CEP63: variants seen among roughly 807,000 people sequenced by gnomAD.
CEP63 encodes the protein centrosomal protein of 63 kDa.
Under a neutral mutation model 89.1 loss-of-function variants are expected in CEP63, and 84 were observed. The ratio of observed to expected loss-of-function variants is 0.94; its 90% CI spans 0.79 to 1.13. The LOEUF (loss-of-function observed/expected upper bound fraction) is 1.13, where lower values mean the gene tolerates loss of function less well. Among genes scored for constraint, CEP63 ranks in the 50% most tolerant of loss-of-function variants. The pLI is 0.00. For missense variants in CEP63, 838 were observed against 813.3 expected, an observed-to-expected ratio of 1.03 and a Z score of -0.37; for synonymous variants, 267 against 272.5, an observed-to-expected ratio of 0.98 and a Z score of 0.20.
chr3:134,755,777 G>T, the CEP63 span: 1 of 152,270 alleles, frequency 6.6e-6, no homozygotes, highest in African/African-American at 2.4e-5. Flanking sequence ...GTCCTCTTGA[G>T]TGTTTGATGG....
At chr3:134,613,382 G>A in the CEP63 span, among the ~76,000 whole-genome samples, 1 of 152,186 alleles carries the variant, frequency 6.6e-6, no homozygotes, top group African/African-American at 2.4e-5. Context: ...TCAGGGAGCA[G>A]CAGCGAGAGC....
chr3:134,597,238 G>A, the CEP63 span, among the ~76,000 whole-genome samples: 9 of 152,330 alleles, frequency 5.9e-5, no homozygotes, highest in East Asian at 1.7e-3. Flanking sequence ...AAGAGGGAGA[G>A]AAGGAGAAAT....
At chr3:134,766,466 G>A in the CEP63 span, among the ~76,000 whole-genome samples, 2 of 152,250 alleles carry the variant, frequency 1.3e-5, no homozygotes, top group African/African-American at 4.8e-5. Context: ...GCAGCTCATG[G>A]CCAGACCTTT....
the CEP63 span, among the ~76,000 whole-genome samples, chr3:134,696,529 C>A: frequency 6.6e-6 from 1 of 152,130 alleles, no homozygotes; most frequent in African/African-American, 2.4e-5. Context: ...AATAACTTTT[C>A]TTTGTGTGAA....
At chr3:134,639,514 G>A in the CEP63 span, among the ~76,000 whole-genome samples, 2 of 152,182 alleles carry the variant, frequency 1.3e-5, no homozygotes, top group African/African-American at 4.8e-5. Context: ...AGCTCCACAG[G>A]GAGGTCTGAG....
the CEP63 span, among the ~76,000 whole-genome samples, chr3:134,652,411 G>A: frequency 5.3e-5 from 8 of 152,084 alleles, no homozygotes; most frequent in East Asian, 1.2e-3. Flanking sequence ...GTTTGGTTCC[G>A]TGTAAAGGCT....
At chr3:134,773,363 G>A in the CEP63 span, among the ~76,000 whole-genome samples, 1 of 152,178 alleles carries the variant, frequency 6.6e-6, no homozygotes. Flanking sequence ...TTATAGCATG[G>A]CTGAGAAGGA....
chr3:134,528,340 C>A (rs1318770705), intron 3 of CEP63, among the ~76,000 whole-genome samples: 6 of 152,172 alleles, frequency 3.9e-5, no homozygotes, highest in African/African-American at 1.2e-4. Context: ...ATCTTGCCCT[C>A]CCCCTGGTTT....
the CEP63 span, among the ~76,000 whole-genome samples, chr3:134,701,817 T>C: frequency 6.6e-6 from 1 of 152,116 alleles, no homozygotes; most frequent in Non-Finnish European, 1.5e-5. Flanking sequence ...TAATCCTATA[T>C]CTAGAAAACC....
the CEP63 span, among the ~76,000 whole-genome samples, chr3:134,593,405 G>A: frequency 0.98 from 149,656 of 152,292 alleles, 73,566 homozygotes; most frequent in Non-Finnish European, 1. Flanking sequence ...GAGTATCCCT[G>A]TTTTACTGAT....
At chr3:134,508,165 G>C (rs897176606) in intron 3 of CEP63, among the ~76,000 whole-genome samples, 1 of 152,142 alleles carries the variant, frequency 6.6e-6, no homozygotes, top group Admixed American at 6.5e-5. Context: ...AATGTTTCTC[G>C]TAACAAAGAG....
the CEP63 span, among the ~76,000 whole-genome samples, chr3:134,711,502 C>T: frequency 6.6e-6 from 1 of 152,112 alleles, no homozygotes; most frequent in South Asian, 2.1e-4. Flanking sequence ...TGATTTATTC[C>T]ACTTTCTTAG....
chr3:134,600,129 C>T, the CEP63 span, among the ~76,000 whole-genome samples: 8 of 152,298 alleles, frequency 5.3e-5, no homozygotes, highest in South Asian at 2.1e-4. Flanking sequence ...ACACCATCTT[C>T]GAAAATTTTG....
chr3:134,707,121 T>A, the CEP63 span, among the ~76,000 whole-genome samples: 1 of 152,212 alleles, frequency 6.6e-6, no homozygotes, highest in Non-Finnish European at 1.5e-5. Context: ...AATTCCACCA[T>A]TCATTCAACA....
At chr3:134,666,964 C>G in the CEP63 span, among the ~76,000 whole-genome samples, 1 of 152,174 alleles carries the variant, frequency 6.6e-6, no homozygotes, top group African/African-American at 2.4e-5. Context: ...ATGCTCACTC[C>G]CAACATCCCC....
the CEP63 span, among the ~76,000 whole-genome samples, chr3:134,703,543 T>A: frequency 6.6e-6 from 1 of 151,922 alleles, no homozygotes; most frequent in East Asian, 1.9e-4. Context: ...CCAAATACCG[T>A]ATGTTCTCAC....
chr3:134,755,519 T>C, the CEP63 span: 1 of 152,256 alleles, frequency 6.6e-6, no homozygotes. Context: ...GCAGGAGAAA[T>C]CACCCTACTT....
chr3:134,762,893 G>C, the CEP63 span, among the ~76,000 whole-genome samples: 2 of 152,152 alleles, frequency 1.3e-5, no homozygotes, highest in Non-Finnish European at 2.9e-5. Context: ...CACACCTCTA[G>C]CTAAAATTTC....
At chr3:134,721,263 T>A in the CEP63 span, among the ~76,000 whole-genome samples, 2 of 152,066 alleles carry the variant, frequency 1.3e-5, no homozygotes, top group Non-Finnish European at 2.9e-5. Context: ...TTAAAAAAAA[T>A]TCTGATTTTG....
Sources: allele counts gnomAD v4.1 joint callset (sites outside exome capture counted in the v4.1 genomes callset), GRCh38; gene constraint gnomAD v4.1.1; transcripts MANE v1.5; gene names NCBI Gene and HGNC (gene_info 2026-07-23, HGNC 2026-07-21).